Variants in AAK1 observed in about 807,000 individuals in gnomAD.
AAK1 encodes AP2 associated kinase 1, also known as AP2-associated protein kinase 1.
AAK1 carries 37 observed loss-of-function variants against 116.0 expected under a neutral mutation model. That is an observed-to-expected ratio of 0.32 (90% CI 0.25 to 0.42). The LOEUF (loss-of-function observed/expected upper bound fraction) is 0.42, where lower values mean the gene tolerates loss of function less well. Among genes scored for constraint, AAK1 ranks in the 10% least tolerant of loss-of-function variants. The probability of loss-of-function intolerance (pLI) is 1.00; values close to 1 mark genes in which losing one functional copy is unlikely to be tolerated. For missense variants in AAK1, 919 were observed against 1,170.6 expected (o/e 0.79, Z 3.14); for synonymous variants, 458 against 439.9 (o/e 1.04, Z -0.51).
chr2:69,545,883 C>G (rs1670903614), intron 3 of AAK1, among the ~76,000 whole-genome samples: 1 of 152,078 alleles, frequency 6.6e-6, no homozygotes, highest in Admixed American at 6.6e-5. Context: ...GGGCCAGGGT[C>G]TACAGATTAC....
At chr2:69,515,367 G>A (rs1003648746) in intron 12 of AAK1, among the ~76,000 whole-genome samples, 1 of 152,102 alleles carries the variant, frequency 6.6e-6, no homozygotes, top group African/African-American at 2.4e-5. Context: ...TGTTGCCCAG[G>A]CTGGGATGTA....
chr2:69,569,189 C>T (rs1671996893), intron 2 of AAK1, among the ~76,000 whole-genome samples: 4 of 152,218 alleles, frequency 2.6e-5, no homozygotes, highest in Admixed American at 2.6e-4. Flanking sequence ...TTCCTTAATG[C>T]AGCAGAATAT....
chr2:69,487,615 C>T (rs1233375899), intron 17 of AAK1, among the ~76,000 whole-genome samples: 3 of 152,134 alleles, frequency 2.0e-5, no homozygotes, highest in Admixed American at 1.3e-4. Flanking sequence ...CAAAGACTGA[C>T]ACTGTTATTC....
At position 69,469,437 on chromosome 2, in the gene AAK1, T is replaced by G. The variant is rs1457512851; in HGVS notation, c.*6432A>C. 1.0e-6 allele frequency: 1 copy of G among 985,366 alleles called. No individual in the cohort carries two copies. The highest frequency in any genetic ancestry group is 1.1e-4 in the East Asian group (1 of 8,830). 61.0% of individuals were successfully genotyped at this position (985,366 alleles called of 1,614,324 possible). On this transcript the variant is annotated 3_prime_UTR_variant, in exon 22 of 22. Transcript: ENST00000409085. ...GTGTTCTTACAGGGAAAATGTGTTTTCAGGGTGAACAGTTCCTTTATATGA... is the reference window on the plus strand; with the variant it reads ...GTGTTCTTACAGGGAAAATGTGTTTGCAGGGTGAACAGTTCCTTTATATGA...
intron 10 of AAK1, among the ~76,000 whole-genome samples, chr2:69,522,964 AG>A (rs1669854871): frequency 6.6e-6 from 1 of 152,218 alleles, no homozygotes; most frequent in Admixed American, 6.5e-5. Flanking sequence ...TCTGAGTTCT[AG>A]CTCCTCACTA....
chr2:69,574,255 CAGCTACTCGGGAGGCTGG>C (rs1672205924), intron 2 of AAK1, among the ~76,000 whole-genome samples: 1 of 151,578 alleles, frequency 6.6e-6, no homozygotes, highest in East Asian at 1.9e-4. Flanking sequence ...CCTGTAATCC[CAGCTACTCGGGAGGCTGG>C]GGCAGGAGAA....
chr2:69,556,665 T>TCC (rs59434018), intron 3 of AAK1, among the ~76,000 whole-genome samples, 195 bp downstream of exon 3: 6 of 150,138 alleles, frequency 4.0e-5, no homozygotes, highest in Admixed American at 4.0e-4. Context: ...CTCAAAATGC[T>TCC]TTTTCCTCTG....
At chr2:69,570,452 T>C (rs911960993) in intron 2 of AAK1, among the ~76,000 whole-genome samples, 2 of 152,072 alleles carry the variant, frequency 1.3e-5, no homozygotes, top group African/African-American at 2.4e-5. Context: ...ATCTTGGATG[T>C]GTTAATCTCT....
At chr2:69,530,555 G>T in intron 7 of AAK1, 70 bp downstream of exon 7, 1 of 1,286,262 alleles carries the variant, frequency 7.8e-7, no homozygotes, top group Non-Finnish European at 1.1e-6. Flanking sequence ...AGCGCTGTGT[G>T]CATTAACCTT....
intron 12 of AAK1, among the ~76,000 whole-genome samples, chr2:69,515,166 C>T (rs1676533297): frequency 6.6e-6 from 1 of 152,208 alleles, no homozygotes; most frequent in African/African-American, 2.4e-5. Flanking sequence ...CCTACCTGAA[C>T]AGGATGAAGC....
intron 12 of AAK1, among the ~76,000 whole-genome samples, chr2:69,515,766 T>C (rs909112612): frequency 2.0e-5 from 3 of 152,072 alleles, no homozygotes; most frequent in Admixed American, 6.6e-5. Flanking sequence ...TTTACGTAGT[T>C]ATTAGAGTCA....
At chr2:69,598,630 C>T in intron 2 of AAK1, 1 of 154,094 alleles carries the variant, frequency 6.5e-6, no homozygotes. Flanking sequence ...AGTGATCCTC[C>T]CACCTCAGCC....
chr2:69,536,993 T>C (rs949564690), intron 5 of AAK1, among the ~76,000 whole-genome samples: 7 of 152,208 alleles, frequency 4.6e-5, no homozygotes, highest in Non-Finnish European at 1.0e-4. Flanking sequence ...TTCTTCTCCT[T>C]TCTTAAGTGC....
chr2:69,525,352 C>T (rs557685640), intron 9 of AAK1, among the ~76,000 whole-genome samples: 1 of 152,280 alleles, frequency 6.6e-6, no homozygotes, highest in Middle Eastern at 3.4e-3. Flanking sequence ...AGCTTGTGTG[C>T]AGCACACATT....
chr2:69,484,860 G>A (rs900414442), intron 17 of AAK1, among the ~76,000 whole-genome samples: 7 of 148,474 alleles, frequency 4.7e-5, no homozygotes, highest in African/African-American at 1.7e-4. Flanking sequence ...GGGTGACAGA[G>A]TGAGTCTCAA....
In AAK1 at chr2:69,461,526, T is replaced by G. The variant is rs1674340875; in HGVS notation, c.*14343A>C. 1 of 235,052 alleles carries G rather than the reference T, an allele frequency of 4.3e-6. No individual in the cohort carries two copies. The highest frequency in any genetic ancestry group is 8.7e-6 in the Non-Finnish European group (1 of 115,486). 14.6% of individuals were successfully genotyped at this position (235,052 alleles called of 1,614,324 possible). A position where few individuals can be genotyped will look rare whatever the true frequency, so the allele number is the denominator to read the frequency against. On this transcript the variant is annotated 3_prime_UTR_variant, in exon 22 of 22. Coordinates refer to ENST00000409085, the MANE Select transcript of AAK1 (RefSeq NM_014911.5). ...AAAAAAAAAAAAAAAGTAATTTGCA[T>G]GTGTTTGCATCCGTTTCTGTATTCA...
At chr2:69,622,185 C>G (rs1036100082) in intron 2 of AAK1, among the ~76,000 whole-genome samples, 3 of 152,232 alleles carry the variant, frequency 2.0e-5, no homozygotes, top group African/African-American at 7.2e-5. Flanking sequence ...GAGCAGACAG[C>G]GGGCCCCAGG....
rs141388128 is a variant in AAK1, at chr2:69,487,199, G to A, written c.2366-4387C>T. 2.4e-3 allele frequency among the ~76,000 whole-genome samples: 371 copies of A among 152,300 alleles called. 3 individuals are homozygous for A. The highest frequency in any genetic ancestry group is 0.01 in the Middle Eastern group (3 of 294). ...GTCATTTTTGGTCATTGTAAATGAA[G>A]AACTTGAGAAAAGGATGTAATGGGA... On this transcript the variant is annotated intron_variant, in intron 17 of 21. Transcript: ENST00000409085.
rs543781351 is a variant in AAK1 at position 69,555,484 on chromosome 2, G to A, written c.282+1376C>T. Among the ~76,000 whole-genome samples the A allele has an allele frequency of 3.7e-4, 57 of 152,352 alleles. No individual in the cohort carries two copies. The South Asian group carries it at 6.0e-3, about 16-fold the overall frequency. ...CACATAGGGTGAACAGGGGCAAGCG[G>A]AGCCTGATGGGATACCTACAATGCC... On this transcript the variant is annotated intron_variant, in intron 3 of 21. Coordinates refer to ENST00000409085, the MANE Select transcript of AAK1 (RefSeq NM_014911.5).
Sources: allele counts gnomAD v4.1 joint callset (sites outside exome capture counted in the v4.1 genomes callset), GRCh38; gene constraint gnomAD v4.1.1; transcripts MANE v1.5; gene names NCBI Gene and HGNC (gene_info 2026-07-23, HGNC 2026-07-21).